BTBD2: variants seen among roughly 807,000 people sequenced by gnomAD.
BTBD2 encodes the protein BTB domain containing 2, also known as BTB/POZ domain-containing protein 2.
Under a neutral mutation model 44.0 loss-of-function variants are expected in BTBD2, and 15 were observed. The observed-to-expected ratio is 0.34, with a 90% CI of 0.23 to 0.53. The LOEUF is 0.53. Among genes scored for constraint, BTBD2 ranks in the 20% least tolerant of loss-of-function variants. The probability of loss-of-function intolerance (pLI) is 0.95; values close to 1 mark genes in which losing one functional copy is unlikely to be tolerated. For synonymous variants in BTBD2, 443 were observed against 335.9 expected (o/e 1.32, Z -3.49); for missense variants, 657 against 746.4 (o/e 0.88, Z 1.39).
Position 1,986,037 on chromosome 19 carries a change from A to G in BTBD2, c.*451T>C, listed in dbSNP as rs1203444452. On this transcript the variant is annotated 3_prime_UTR_variant, in exon 9 of 9. Transcript: ENST00000255608. Reference sequence around the variant, plus strand: ...AACGGACAGGAACAAAAGGAACGCAAGGTCTGGGACCCACGGCTCTGGGAG... The same window carrying G: ...AACGGACAGGAACAAAAGGAACGCAGGGTCTGGGACCCACGGCTCTGGGAG... The G allele has an allele frequency of 1.3e-5, 2 of 159,306 alleles. No individual in the cohort carries two copies. The highest frequency in any genetic ancestry group is 2.8e-5 in the Non-Finnish European group (2 of 72,420). The allele number at this position is 159,306 out of a possible 1,614,324, so 9.9% of individuals were successfully genotyped here. A position where few individuals can be genotyped will look rare whatever the true frequency, so the allele number is the denominator to read the frequency against.
chr19:2,013,325 G>A (rs1220869743), intron 1 of BTBD2, among the ~76,000 whole-genome samples: 11 of 152,070 alleles, frequency 7.2e-5, no homozygotes, highest in Non-Finnish European at 1.5e-5. Context: ...CTGGGGCCTG[G>A]GGCCGGTACC....
At position 1,992,672 on chromosome 19, in the gene BTBD2, T is replaced by C. The variant is rs1246598741; in HGVS notation, c.684+348A>G. Among the ~76,000 whole-genome samples, 25 of 151,986 alleles carry C rather than the reference T, an allele frequency of 1.6e-4. No individual in the cohort carries two copies. In the East Asian group the frequency reaches 4.7e-3, roughly 28 times the overall value. On this transcript the variant is annotated intron_variant, in intron 3 of 8. Coordinates refer to ENST00000255608, the MANE Select transcript of BTBD2 (RefSeq NM_017797.4). ...CTGCAACCTCCACCTCCCAGGTTCA[T>C]GCAATTCTCCTGCCTCAGCCTCCCA...
At chr19:2,011,814 C>T (rs144623944) in intron 1 of BTBD2, among the ~76,000 whole-genome samples, 8 of 152,202 alleles carry the variant, frequency 5.3e-5, no homozygotes, top group African/African-American at 1.9e-4. Context: ...ATCGTGGCCA[C>T]CTCCACTGTG....
At chr19:2,010,930 G>A (rs777554137) in intron 1 of BTBD2, among the ~76,000 whole-genome samples, 16 of 152,226 alleles carry the variant, frequency 1.1e-4, no homozygotes, top group Middle Eastern at 6.8e-3. Context: ...GAGCCACTGC[G>A]CCCGGCCTCA....
At chr19:1,999,616 G>A (rs993350097) in intron 1 of BTBD2, among the ~76,000 whole-genome samples, 5 of 151,420 alleles carry the variant, frequency 3.3e-5, no homozygotes, top group African/African-American at 7.3e-5. Flanking sequence ...CAGAGAGCCA[G>A]GACTGCGCCA....
At chr19:1,995,801 T>C (rs1280570318) in intron 2 of BTBD2, among the ~76,000 whole-genome samples, 2 of 151,922 alleles carry the variant, frequency 1.3e-5, no homozygotes, top group Non-Finnish European at 1.5e-5. Flanking sequence ...CATGCCCGGC[T>C]AATTTTCTTA....
rs546869820 is a variant in BTBD2, at chr19:2,008,964, G to A, written c.407+6333C>T. 3.7e-3 allele frequency among the ~76,000 whole-genome samples: 556 copies of A among 151,872 alleles called. 8 individuals are homozygous for A. The highest frequency in any genetic ancestry group is 3.6e-3 in the Non-Finnish European group (246 of 67,992). ...CAGCAATCATCAAACAATGTGTTAT[G>A]GGAACAAGGACTCACAAAGCAGTCA... On this transcript the variant is annotated intron_variant, in intron 1 of 8. Transcript: ENST00000255608.
At chr19:2,012,106 G>A (rs566718186) in intron 1 of BTBD2, among the ~76,000 whole-genome samples, 1 of 151,734 alleles carries the variant, frequency 6.6e-6, no homozygotes, top group South Asian at 2.1e-4. Flanking sequence ...CGCCCGCCTC[G>A]GCCTCCCAAA....
chr19:1,991,056 G>A (rs946490462), intron 3 of BTBD2: 4 of 475,682 alleles, frequency 8.4e-6, no homozygotes, highest in South Asian at 2.4e-5. Flanking sequence ...GACCTCAGAG[G>A]CCAAGGAAGG....
At chr19:1,989,887 T>C (rs1217714820) in intron 5 of BTBD2, 117 bp downstream of exon 5, 3 of 1,183,340 alleles carry the variant, frequency 2.5e-6, no homozygotes, top group Non-Finnish European at 3.6e-6. Flanking sequence ...TATCTGTATA[T>C]GCCAGGCATC....
chr19:2,007,513 C>A (rs2016409480), intron 1 of BTBD2, among the ~76,000 whole-genome samples: 1 of 152,162 alleles, frequency 6.6e-6, no homozygotes, highest in South Asian at 2.1e-4. Context: ...GTTGCCCACA[C>A]TGGTACCAAA....
At position 1,986,596 on chromosome 19, in the gene BTBD2, C is replaced by T. The variant is rs138551280; in HGVS notation, c.1470G>A (p.Ser490=). 19 of 1,613,850 alleles carry T rather than the reference C, an allele frequency of 1.2e-5. No homozygotes were observed. The highest frequency in any genetic ancestry group is 6.7e-5 in the African/African-American group (5 of 74,936). ...AGCAGGTCTTGGCGCCCGTGGTGGG[C>T]GACTCGTGTGTCACCTTGCGCAGGC... ...TKGLRKVTHE[S]PTTGAKTCFT... is the part of the protein sequence containing the mutation. Residue 490 remains serine (S), a synonymous_variant, in exon 9 of 9, where the codon TCG becomes TCA. Coordinates refer to ENST00000255608, the MANE Select transcript of BTBD2 (RefSeq NM_017797.4).
intron 2 of BTBD2, 101 bp downstream of exon 2, chr19:1,997,243 C>G (rs962879764): frequency 2.0e-6 from 3 of 1,536,334 alleles, no homozygotes. Flanking sequence ...GAAATCTCCA[C>G]CAAGCCAGGG....
intron 2 of BTBD2, among the ~76,000 whole-genome samples, chr19:1,994,052 C>G (rs527610664): frequency 1.4e-5 from 2 of 141,456 alleles, no homozygotes; most frequent in South Asian, 4.7e-4. Context: ...CCTGGTGGTT[C>G]ACGCCTGTAA....
At chr19:1,996,690 C>G (rs1024466518) in intron 2 of BTBD2, among the ~76,000 whole-genome samples, 4 of 151,768 alleles carry the variant, frequency 2.6e-5, no homozygotes, top group Admixed American at 2.6e-4. Context: ...CTGAGACCAG[C>G]CTGGCCAACA....
intron 1 of BTBD2, among the ~76,000 whole-genome samples, chr19:2,011,335 A>G (rs1171003301): frequency 6.7e-6 from 1 of 149,854 alleles, no homozygotes; most frequent in Non-Finnish European, 1.5e-5. Context: ...TCCTGCCTGG[A>G]GTCTGCAGCT....
intron 1 of BTBD2, among the ~76,000 whole-genome samples, chr19:2,006,023 G>C (rs1449122078): frequency 6.6e-6 from 1 of 151,814 alleles, no homozygotes; most frequent in Non-Finnish European, 1.5e-5. Context: ...AGAAGCTGGA[G>C]GCTGCAGTGA....
At chr19:2,015,269 C>T (rs1199974214) in intron 1 of BTBD2, 28 bp downstream of exon 1, 1 of 1,529,626 alleles carries the variant, frequency 6.5e-7, no homozygotes, top group Non-Finnish European at 8.7e-7. Flanking sequence ...TGGGTCGGGG[C>T]CAGGGCTGGC....
intron 1 of BTBD2, among the ~76,000 whole-genome samples, chr19:1,999,870 G>C (rs996891854): frequency 6.6e-6 from 1 of 151,582 alleles, no homozygotes; most frequent in African/African-American, 2.4e-5. Context: ...GCTGAGGCAG[G>C]AGAATTGCTT....
Sources: gnomAD v4.1 joint callset for allele counts (sites outside exome capture counted in the v4.1 genomes callset) on GRCh38, gnomAD v4.1.1 for gene constraint, MANE v1.5 for transcripts, NCBI Gene and HGNC (gene_info 2026-07-23, HGNC 2026-07-21) for gene names.